Variants in DISC1 observed in about 807,000 individuals in gnomAD.
The protein encoded by DISC1 is DISC1 scaffold protein, also known as disrupted in schizophrenia 1 protein.
A neutral mutation model predicts 84.5 loss-of-function variants in DISC1; 57 were observed. The observed-to-expected ratio is 0.67, with a 90% CI of 0.55 to 0.84. The LOEUF is 0.84. Ranked by LOEUF, DISC1 falls within the 40% of genes least tolerant of loss-of-function variation. The pLI is 0.00. For synonymous variants in DISC1, 411 were observed against 415.2 expected, an observed-to-expected ratio of 0.99 and a Z score of 0.12; for missense variants, 1,000 against 1,057.8, an observed-to-expected ratio of 0.95 and a Z score of 0.76.
At chr1:231,841,413 C>T (rs2083058467) in intron 9 of DISC1, among the ~76,000 whole-genome samples, 1 of 152,258 alleles carries the variant, frequency 6.6e-6, no homozygotes, top group African/African-American at 2.4e-5. Flanking sequence ...TTGCGAGTCA[C>T]CCCTCAAGGA....
rs890245648 is a variant in DISC1 at position 231,770,761 on chromosome 1, C to T, written c.1399-74C>T. The T allele has an allele frequency of 4.9e-5, 76 of 1,561,818 alleles. No individual in the cohort carries two copies. In the African/African-American group the frequency reaches 5.0e-4, roughly 10 times the overall value. On this transcript the variant is annotated intron_variant, in intron 5 of 12. Transcript: ENST00000439617. ...TGCATATGGCCAATTCTCATTTAAA[C>T]GAGTCATTATCCTCAGAGCAGTTTG...
chr1:231,701,775 A>AT (rs973012453), intron 2 of DISC1, among the ~76,000 whole-genome samples, 180 bp from the exon 3 acceptor site: 14 of 151,580 alleles, frequency 9.2e-5, no homozygotes, highest in African/African-American at 2.4e-4. Flanking sequence ...CTTTACATAG[A>AT]TTTTTTTTGG....
chr1:231,913,707 C>A (rs1264998716), intron 9 of DISC1, among the ~76,000 whole-genome samples: 1 of 152,196 alleles, frequency 6.6e-6, no homozygotes, highest in Non-Finnish European at 1.5e-5. Flanking sequence ...CTGCAGATGC[C>A]AATGCTCTGA....
chr1:231,700,207 G>A (rs1487284031), intron 2 of DISC1, among the ~76,000 whole-genome samples: 1 of 152,044 alleles, frequency 6.6e-6, no homozygotes, highest in Non-Finnish European at 1.5e-5. Context: ...TGAACAACAC[G>A]GGTTTGAGCT....
At chr1:231,858,064 A>G (rs1475629086) in intron 9 of DISC1, among the ~76,000 whole-genome samples, 2 of 152,216 alleles carry the variant, frequency 1.3e-5, no homozygotes, top group Non-Finnish European at 2.9e-5. Context: ...TGGAGCCTGG[A>G]GAAGCATCCA....
At chr1:231,875,727 C>T (rs899509475) in intron 9 of DISC1, among the ~76,000 whole-genome samples, 6 of 152,182 alleles carry the variant, frequency 3.9e-5, no homozygotes, top group Non-Finnish European at 8.8e-5. Flanking sequence ...TGTCTGGTGA[C>T]AGCAGGTGTG....
chr1:231,754,681 A>T (rs1229045907), intron 4 of DISC1, among the ~76,000 whole-genome samples: 1 of 152,186 alleles, frequency 6.6e-6, no homozygotes, highest in Non-Finnish European at 1.5e-5. Flanking sequence ...TTTTTGATAG[A>T]ATATGATTAA....
chr1:232,007,124 C>T (rs577991751), intron 10 of DISC1, among the ~76,000 whole-genome samples: 61 of 152,316 alleles, frequency 4.0e-4, no homozygotes, highest in African/African-American at 1.3e-3. Flanking sequence ...CAGAAGTTTG[C>T]TGCAGGGGTG....
At position 232,015,714 on chromosome 1, in the gene DISC1, A is replaced by G. The variant is rs551981124; in HGVS notation, c.2307+6665A>G. On this transcript the variant is annotated intron_variant, in intron 11 of 12. Transcript: ENST00000439617. Reference sequence around the variant, plus strand: ...GGCAGGAGATGAACACTGGAGTTCCATGAAGCTCCTGTGTGAAATTATCTT... The same window carrying G: ...GGCAGGAGATGAACACTGGAGTTCCGTGAAGCTCCTGTGTGAAATTATCTT... 2.0e-5 allele frequency among the ~76,000 whole-genome samples: 3 copies of G among 152,184 alleles called. No individual in the cohort carries two copies. In the South Asian group the frequency reaches 6.2e-4, roughly 32 times the overall value.
intron 9 of DISC1, among the ~76,000 whole-genome samples, chr1:231,890,555 G>A (rs1421029550): frequency 1.3e-5 from 2 of 152,180 alleles, no homozygotes; most frequent in African/African-American, 4.8e-5. Context: ...AATGCTTATT[G>A]CCAGGGGCTC....
chr1:231,737,009 T>TA (rs1390299248), intron 3 of DISC1, among the ~76,000 whole-genome samples: 1 of 152,250 alleles, frequency 6.6e-6, no homozygotes, highest in Non-Finnish European at 1.5e-5. Context: ...TTTCTTTCAT[T>TA]CTGTTTCCTC....
intron 6 of DISC1, among the ~76,000 whole-genome samples, chr1:231,782,498 G>A (rs928246097): frequency 3.3e-5 from 5 of 152,092 alleles, no homozygotes; most frequent in Admixed American, 3.3e-4. Flanking sequence ...TTAGCCAGAC[G>A]CCAGTTAATT....
intron 9 of DISC1, among the ~76,000 whole-genome samples, chr1:231,823,741 C>T (rs758105167): frequency 2.0e-4 from 31 of 152,200 alleles, no homozygotes; most frequent in Non-Finnish European, 3.5e-4. Context: ...TATTTTATCA[C>T]CCAGGTGATA....
intron 10 of DISC1, among the ~76,000 whole-genome samples, chr1:231,982,768 C>T (rs1193163868): frequency 1.3e-5 from 2 of 152,104 alleles, no homozygotes; most frequent in East Asian, 3.8e-4. Flanking sequence ...AAGATAAGAA[C>T]AGCCTTGGAG....
intron 8 of DISC1, 68 bp from the exon 9 acceptor site, chr1:231,818,261 T>A: frequency 1.3e-6 from 2 of 1,492,252 alleles, no homozygotes; most frequent in Non-Finnish European, 1.9e-6. Context: ...TAGCTGCTGC[T>A]AGATCTTCCA....
At chr1:231,844,712 G>A (rs2125875659) in intron 9 of DISC1, among the ~76,000 whole-genome samples, 1 of 152,010 alleles carries the variant, frequency 6.6e-6, no homozygotes, top group Non-Finnish European at 1.5e-5. Flanking sequence ...GGATCACGAG[G>A]TCAGGAGATC....
intron 1 of DISC1, among the ~76,000 whole-genome samples, chr1:231,631,052 A>T (rs771284476): frequency 1.4e-4 from 22 of 152,184 alleles, no homozygotes; most frequent in Non-Finnish European, 2.9e-4. Flanking sequence ...GATGCTAGAC[A>T]TTATGGGGCT....
chr1:231,873,344 C>T (rs2085608142), intron 9 of DISC1, among the ~76,000 whole-genome samples: 1 of 152,218 alleles, frequency 6.6e-6, no homozygotes, highest in Non-Finnish European at 1.5e-5. Flanking sequence ...TATAGTAGGG[C>T]TGCAGATCAG....
At chr1:231,849,172 G>C (rs1410054057) in intron 9 of DISC1, among the ~76,000 whole-genome samples, 1 of 150,532 alleles carries the variant, frequency 6.6e-6, no homozygotes, top group African/African-American at 2.5e-5. Context: ...CTAGGCTGGA[G>C]TGCAATGGCC....
Sources: gnomAD v4.1 joint callset for allele counts (sites outside exome capture counted in the v4.1 genomes callset) on GRCh38, gnomAD v4.1.1 for gene constraint, MANE v1.5 for transcripts, NCBI Gene and HGNC (gene_info 2026-07-23, HGNC 2026-07-21) for gene names.